Variants in DNAJC10 observed in about 807,000 individuals in gnomAD.
The protein encoded by DNAJC10 is DnaJ heat shock protein family (Hsp40) member C10, also known as endoplasmic reticulum disulfide reductase DNAJC10.
A neutral mutation model predicts 115.0 loss-of-function variants in DNAJC10; 101 were observed. The observed-to-expected ratio is 0.88, with a 90% CI of 0.75 to 1.04. DNAJC10 has a LOEUF of 1.04. Among genes scored for constraint, DNAJC10 ranks in the 50% least tolerant of loss-of-function variants. The pLI, the probability that DNAJC10 is intolerant of heterozygous loss-of-function variation, is 0.00. For missense variants in DNAJC10, 981 were observed against 928.8 expected (o/e 1.06, Z -0.73); for synonymous variants, 307 against 301.5 (o/e 1.02, Z -0.19).
rs1694949448 is a variant in DNAJC10, at chr2:182,786,516, A to G, written c.*9384A>G. Reference sequence around the variant, plus strand: ...TGAGGTCTCACCATTTTCTTCAAGGAAGATCAACTGAACCTGCCTGAAGGC... The same window carrying G: ...TGAGGTCTCACCATTTTCTTCAAGGGAGATCAACTGAACCTGCCTGAAGGC... On this transcript the variant is annotated 3_prime_UTR_variant, in exon 24 of 24. Transcript: ENST00000264065. 6.6e-6 allele frequency: 1 copy of G among 152,186 alleles called. No individual in the cohort carries two copies. Among genetic ancestry groups the G allele is most frequent in the Admixed American group, 6.5e-5 (1 of 15,278 alleles). 9.4% of individuals were successfully genotyped at this position (152,186 alleles called of 1,614,324 possible).
chr2:182,764,740 C>T lies in DNAJC10; in HGVS notation c.2265+1939C>T, dbSNP rs553248292. Among the ~76,000 whole-genome samples the T allele has an allele frequency of 2.6e-5, 4 of 152,176 alleles. No homozygotes were observed. The South Asian group carries it at 8.3e-4, about 32-fold the overall frequency. The stretch of plus-strand genomic sequence containing the variant: ...ATGCAGAGAGAGGGTATAGTTGCCA[C>T]CGCTAGTAATATACTCACCATGGGA... On this transcript the variant is annotated intron_variant, in intron 22 of 23. Coordinates refer to ENST00000264065, the MANE Select transcript of DNAJC10 (RefSeq NM_018981.4).
intron 11 of DNAJC10, among the ~76,000 whole-genome samples, chr2:182,738,731 G>A (rs775072755): frequency 2.0e-5 from 3 of 152,164 alleles, no homozygotes; most frequent in African/African-American, 7.2e-5. Context: ...TGGTAGAGAC[G>A]GGGTTTCACC....
chr2:182,718,028 A>G lies in DNAJC10; in HGVS notation c.-59A>G. 2.2e-6 allele frequency: 3 copies of G among 1,339,994 alleles called. No individual in the cohort carries two copies. Among genetic ancestry groups the G allele is most frequent in the Admixed American group, 2.1e-5 (1 of 47,338 alleles). The allele number at this position is 1,339,994 out of a possible 1,614,324, so 83.0% of individuals were successfully genotyped here. On this transcript the variant is annotated 5_prime_UTR_variant, in exon 3 of 24. Coordinates refer to ENST00000264065, the MANE Select transcript of DNAJC10 (RefSeq NM_018981.4). ...GTTCTCAAATTTGCATATTACATCA[A>G]CTGGAACCAGCAGTGAATCTTAATG... is the stretch of plus-strand genomic sequence containing the variant.
intron 22 of DNAJC10, among the ~76,000 whole-genome samples, chr2:182,774,470 G>C (rs1694650354): frequency 6.6e-6 from 1 of 152,130 alleles, no homozygotes. Flanking sequence ...GATTCTAGAG[G>C]CTGAAGGCCT....
intron 22 of DNAJC10, among the ~76,000 whole-genome samples, chr2:182,771,697 G>A (rs371799074): frequency 4.1e-4 from 63 of 151,862 alleles, no homozygotes; most frequent in East Asian, 2.1e-3. Flanking sequence ...TTTTTATTGC[G>A]TCCATTTGAT....
chr2:182,780,457 A>C lies in DNAJC10; in HGVS notation c.*3325A>C, dbSNP rs975622464. Reference sequence around the variant, plus strand: ...TAAAAGCTCCCTGAGACCTCACCAGAAGCTGAGCAGATGCTGGTGCCATGT... The same window carrying C: ...TAAAAGCTCCCTGAGACCTCACCAGCAGCTGAGCAGATGCTGGTGCCATGT... On this transcript the variant is annotated 3_prime_UTR_variant, in exon 24 of 24. Coordinates refer to ENST00000264065, the MANE Select transcript of DNAJC10 (RefSeq NM_018981.4). 1.3e-5 allele frequency: 2 copies of C among 152,206 alleles called. No individual in the cohort carries two copies. The highest frequency in any genetic ancestry group is 2.9e-5 in the Non-Finnish European group (2 of 68,056). The allele number at this position is 152,206 out of a possible 1,614,324, so 9.4% of individuals were successfully genotyped here.
At chr2:182,751,538 C>G (rs1041445814) in intron 14 of DNAJC10, 120 bp from the exon 15 acceptor site, 6 of 1,228,020 alleles carry the variant, frequency 4.9e-6, no homozygotes, top group African/African-American at 3.0e-5. Context: ...TAAAACCTCA[C>G]CAAAATCAAT....
At chr2:182,722,356 C>G (rs1693171029) in intron 5 of DNAJC10, among the ~76,000 whole-genome samples, 2 of 152,122 alleles carry the variant, frequency 1.3e-5, no homozygotes, top group Admixed American at 6.5e-5. Flanking sequence ...TTGCTGCAAA[C>G]TTACAGCAAA....
chr2:182,722,059 G>C lies in DNAJC10; in HGVS notation c.402G>C (p.Leu134Phe). ...IYDDDPEIIT[L>F]ERREFDAAVN... ...ATGATGATCCTGAAATCATAACATTGGAAAGAAGAGAATTTGGTAAGTTTG... is the reference window on the plus strand; with the variant it reads ...ATGATGATCCTGAAATCATAACATTCGAAAGAAGAGAATTTGGTAAGTTTG... The change falls in exon 5 of 24, where the codon TTG (leucine) becomes TTC (phenylalanine). Residue 134 changes from leucine (L) to phenylalanine (F), a missense_variant. By Grantham distance (22) the Leu-to-Phe change is conservative. Transcript: ENST00000264065. 6.4e-7 allele frequency: 1 copy of C among 1,561,838 alleles called. No individual in the cohort carries two copies. The highest frequency in any genetic ancestry group is 8.7e-7 in the Non-Finnish European group (1 of 1,150,202).
Position 182,728,928 on chromosome 2 carries a change from T to C in DNAJC10, c.567T>C (p.Asp189=), listed in dbSNP as rs749800517. ...TTGGAGCTGTTAACTGTGGTGATGA[T>C]AGAATGCTTTGCCGAATGAAAGGAG... ...LRIGAVNCGD[D]RMLCRMKGVN... The change falls in exon 7 of 24, where the codon GAT becomes GAC. Residue 189 remains aspartate (D), a synonymous_variant. Transcript: ENST00000264065. The C allele has an allele frequency of 1.1e-5, 18 of 1,613,972 alleles. No individual in the cohort carries two copies. Among genetic ancestry groups the C allele is most frequent in the Admixed American group, 1.7e-5 (1 of 60,006 alleles).
chr2:182,786,202 G>A lies in DNAJC10; in HGVS notation c.*9070G>A, dbSNP rs1357661629. 1 of 152,162 alleles carries A rather than the reference G, an allele frequency of 6.6e-6. No individual in the cohort carries two copies. Among genetic ancestry groups the A allele is most frequent in the Non-Finnish European group, 1.5e-5 (1 of 68,038 alleles). The allele number at this position is 152,162 out of a possible 1,614,324, so 9.4% of individuals were successfully genotyped here. Reference sequence around the variant, plus strand: ...TTATACAGAACCCCAAATGACAAGTGTATAATCAACTGCCAGGAAATCAGT... The same window carrying A: ...TTATACAGAACCCCAAATGACAAGTATATAATCAACTGCCAGGAAATCAGT... On this transcript the variant is annotated 3_prime_UTR_variant, in exon 24 of 24. Transcript: ENST00000264065.
intron 10 of DNAJC10, 179 bp downstream of exon 10, chr2:182,732,721 T>C: frequency 1.7e-6 from 1 of 582,206 alleles, no homozygotes; most frequent in Non-Finnish European, 2.9e-6. Flanking sequence ...TTACGTTCAA[T>C]AAATTTTAAC....
At chr2:182,775,222 A>G (rs1186869631) in intron 22 of DNAJC10, 94 bp from the exon 23 acceptor site, 4 of 800,886 alleles carry the variant, frequency 5.0e-6, no homozygotes, top group South Asian at 1.8e-5. Flanking sequence ...TTTTGGAACA[A>G]AAGAACTTGA....
intron 11 of DNAJC10, chr2:182,739,540 A>G: frequency 8.2e-7 from 1 of 1,219,868 alleles, no homozygotes; most frequent in East Asian, 6.5e-5. Flanking sequence ...TCTTTATAAT[A>G]ACAGCTGCTT....
chr2:182,739,248 A>G (rs560183776), intron 11 of DNAJC10, among the ~76,000 whole-genome samples: 3 of 146,778 alleles, frequency 2.0e-5, no homozygotes, highest in Non-Finnish European at 4.5e-5. Flanking sequence ...ATATATATAT[A>G]TCTCATATAT....
chr2:182,730,688 C>G, intron 8 of DNAJC10: 1 of 352,598 alleles, frequency 2.8e-6, no homozygotes, highest in South Asian at 2.5e-5. Flanking sequence ...GGCAATACTT[C>G]ATGAATCTGA....
intron 16 of DNAJC10, chr2:182,754,649 A>G (rs1694110659): frequency 2.1e-6 from 1 of 472,960 alleles, no homozygotes; most frequent in Admixed American, 6.2e-5. Context: ...TAAAAAAAAG[A>G]CTCAAGCTAG....
intron 11 of DNAJC10, chr2:182,739,933 T>G: frequency 9.1e-6 from 9 of 989,018 alleles, no homozygotes; most frequent in Non-Finnish European, 1.1e-5. Flanking sequence ...CTGTAAAACA[T>G]GATTAGCATT....
At chr2:182,761,946 A>G (rs1264868899) in intron 21 of DNAJC10, among the ~76,000 whole-genome samples, 1 of 152,104 alleles carries the variant, frequency 6.6e-6, no homozygotes, top group African/African-American at 2.4e-5. Context: ...GCCAAGAGAG[A>G]GTAGTGATAA....
Sources: gnomAD v4.1 joint callset for allele counts (sites outside exome capture counted in the v4.1 genomes callset) on GRCh38, gnomAD v4.1.1 for gene constraint, MANE v1.5 for transcripts, NCBI Gene and HGNC (gene_info 2026-07-23, HGNC 2026-07-21) for gene names.